Variants in TTC7A observed in about 807,000 individuals in gnomAD.
TTC7A encodes the protein tetratricopeptide repeat domain 7A.
A neutral mutation model predicts 103.7 loss-of-function variants in TTC7A; 110 were observed. The ratio of observed to expected loss-of-function variants is 1.06; its 90% confidence interval spans 0.91 to 1.24. The LOEUF is 1.24. Among genes scored for constraint, TTC7A ranks in the 50% most tolerant of loss-of-function variants. The pLI is 0.00. For missense variants in TTC7A, 1,340 were observed against 1,116.3 expected, an observed-to-expected ratio of 1.20 and a Z score of -2.86; for synonymous variants, 521 against 467.9, an observed-to-expected ratio of 1.11 and a Z score of -1.47.
chr2:47,051,784 G>A lies in TTC7A; in HGVS notation c.2056G>A (p.Glu686Lys), dbSNP rs770211462. The A allele has an allele frequency of 1.9e-6, 3 of 1,611,436 alleles. No individual in the cohort carries two copies. The highest frequency in any genetic ancestry group is 1.1e-5 in the South Asian group (1 of 91,000). The change falls in exon 18 of 20, where the codon GAG (glutamate) becomes AAG (lysine). Residue 686 changes from glutamate (E) to lysine (K), a missense_variant. Coordinates refer to ENST00000319190, the MANE Select transcript of TTC7A (RefSeq NM_020458.4). ...RASSIAASRLEEAMSELTMPS... is the reference protein window; with the variant it reads ...RASSIAASRLKEAMSELTMPS... ...TTCGTCCATCGCCGCCTCCCGGCTG[G>A]AGGAGGCCATGTCAGAGCTGACTAT...
chr2:47,061,393 T>A (rs939483576), intron 19 of TTC7A, among the ~76,000 whole-genome samples: 1 of 152,200 alleles, frequency 6.6e-6, no homozygotes, highest in Non-Finnish European at 1.5e-5. Flanking sequence ...CCTCCCTGTC[T>A]CCTCCATTTC....
At chr2:47,032,859 CAAAAAAAAAAAAA>C (rs10586448) in intron 15 of TTC7A, among the ~76,000 whole-genome samples, 1 of 87,990 alleles carries the variant, frequency 1.1e-5, no homozygotes, top group Non-Finnish European at 2.4e-5. Context: ...TTGTTTTAAG[CAAAAAAAAAAAAA>C]AAAAAAAAAA....
chr2:47,061,867 A>G (rs765887127), intron 19 of TTC7A, among the ~76,000 whole-genome samples: 15 of 152,320 alleles, frequency 9.8e-5, no homozygotes, highest in Non-Finnish European at 1.3e-4. Flanking sequence ...CATCTGCACA[A>G]GTGATTTTTG....
intron 17 of TTC7A, among the ~76,000 whole-genome samples, chr2:47,051,011 C>T (rs1682814956): frequency 1.3e-5 from 2 of 152,216 alleles, no homozygotes; most frequent in Non-Finnish European, 2.9e-5. Flanking sequence ...CTTATATGTC[C>T]TGAACCGGAG....
At chr2:46,982,820 A>T (rs1216500326) in intron 5 of TTC7A, among the ~76,000 whole-genome samples, 1 of 152,102 alleles carries the variant, frequency 6.6e-6, no homozygotes, top group Non-Finnish European at 1.5e-5. Flanking sequence ...ATTTTTAATT[A>T]GCTGGACATC....
chr2:46,979,920 C>T (rs1674268942), intron 5 of TTC7A, among the ~76,000 whole-genome samples: 1 of 152,184 alleles, frequency 6.6e-6, no homozygotes, highest in African/African-American at 2.4e-5. Flanking sequence ...CAGCCGTCCC[C>T]CGTGCGTAGT....
intron 19 of TTC7A, among the ~76,000 whole-genome samples, chr2:47,065,347 C>T (rs770556949): frequency 2.6e-5 from 4 of 152,196 alleles, no homozygotes; most frequent in Non-Finnish European, 5.9e-5. Context: ...CAACCAAGAG[C>T]ATACAATTTA....
intron 15 of TTC7A, among the ~76,000 whole-genome samples, chr2:47,045,958 G>A (rs985480218): frequency 2.6e-5 from 4 of 152,232 alleles, no homozygotes; most frequent in South Asian, 2.1e-4. Flanking sequence ...GGCACAGGGC[G>A]TTGCTTAGTG....
intron 18 of TTC7A, among the ~76,000 whole-genome samples, chr2:47,054,835 C>CAA (rs71399005): frequency 0.073 from 8,425 of 115,560 alleles, 884 homozygotes; most frequent in African/African-American, 0.24. Flanking sequence ...GACCCTGTCT[C>CAA]AAAAAAAAAA....
At chr2:47,055,091 T>TGATC (rs1683209337) in intron 18 of TTC7A, among the ~76,000 whole-genome samples, 1 of 151,958 alleles carries the variant, frequency 6.6e-6, no homozygotes. Flanking sequence ...ACCAGGGCAA[T>TGATC]GATCTCCCTA....
chr2:46,965,563 ATTTTTT>A (rs55634000), intron 3 of TTC7A, among the ~76,000 whole-genome samples: 31 of 135,432 alleles, frequency 2.3e-4, no homozygotes, highest in Non-Finnish European at 4.1e-4. Flanking sequence ...CCCTGGATTC[ATTTTTT>A]TTTTTTTTTT....
intron 8 of TTC7A, among the ~76,000 whole-genome samples, chr2:47,001,715 C>G (rs942188300): frequency 1.3e-5 from 2 of 151,982 alleles, no homozygotes; most frequent in African/African-American, 4.8e-5. Context: ...AAAAATTAGC[C>G]AGGCGTGGTG....
chr2:46,941,062 G>C (rs1006971856), upstream of TTC7A: 2 of 150,362 alleles, frequency 1.3e-5, no homozygotes, highest in Non-Finnish European at 3.0e-5. The surrounding 1 kb of genome is among the most constrained non-coding windows in gnomAD (Gnocchi z 4.2). Context: ...CGGGGGGCGG[G>C]TACCCGGGCG....
intron 3 of TTC7A, among the ~76,000 whole-genome samples, chr2:46,971,139 A>G (rs1052891860): frequency 1.3e-5 from 2 of 152,248 alleles, no homozygotes; most frequent in Admixed American, 1.3e-4. Flanking sequence ...GTGGTAGAAA[A>G]GTAAACACGA....
intron 15 of TTC7A, among the ~76,000 whole-genome samples, chr2:47,041,568 C>G (rs1233668551): frequency 8.5e-5 from 13 of 152,170 alleles, no homozygotes. Context: ...GCCTGACCTA[C>G]ATGCAGAAAC....
intron 15 of TTC7A, among the ~76,000 whole-genome samples, chr2:47,032,508 A>G (rs892379): frequency 0.44 from 66,352 of 151,944 alleles, 15,791 homozygotes; most frequent in African/African-American, 0.63. Context: ...GCCTAGGGGA[A>G]TCAGCTCTGA....
chr2:47,031,573 C>G (rs927575192), intron 15 of TTC7A, among the ~76,000 whole-genome samples: 4 of 152,226 alleles, frequency 2.6e-5, no homozygotes, highest in African/African-American at 9.6e-5. Context: ...AAGCAAGAGG[C>G]CTGCCTCAGC....
Position 47,001,593 on chromosome 2 carries a change from A to G in TTC7A, c.1066-4329A>G, listed in dbSNP as rs970939544. Reference sequence around the variant, plus strand: ...TAATGCAGGCCGGGAGCGGTGGCTCACGCCTGTAATCCCAGCACTTTGGGA... The same window carrying G: ...TAATGCAGGCCGGGAGCGGTGGCTCGCGCCTGTAATCCCAGCACTTTGGGA... On this transcript the variant is annotated intron_variant, in intron 8 of 19. Coordinates refer to ENST00000319190, the MANE Select transcript of TTC7A (RefSeq NM_020458.4). 1.2e-4 allele frequency among the ~76,000 whole-genome samples: 19 copies of G among 152,302 alleles called. No individual in the cohort carries two copies. In the East Asian group the frequency reaches 3.1e-3, roughly 25 times the overall value.
chr2:47,026,164 C>G (rs1679893236), intron 14 of TTC7A, among the ~76,000 whole-genome samples: 1 of 152,174 alleles, frequency 6.6e-6, no homozygotes, highest in South Asian at 2.1e-4. Context: ...AAGCTAGAGT[C>G]CTAGCCTGCC....
Sources: allele counts gnomAD v4.1 joint callset (sites outside exome capture counted in the v4.1 genomes callset), GRCh38; gene constraint gnomAD v4.1.1; non-coding constraint Gnocchi (gnomAD v3.1); transcripts MANE v1.5; gene names NCBI Gene and HGNC (gene_info 2026-07-23, HGNC 2026-07-21).